The following RYR2 variants were observed in gnomAD, a reference collection of about 807,000 sequenced individuals.
The protein encoded by RYR2 is cardiac muscle ryanodine receptor-calcium release channel.
Under a neutral mutation model 601.1 loss-of-function variants are expected in RYR2, and 227 were observed. That is an observed-to-expected ratio of 0.38 (90% CI 0.34 to 0.42). The LOEUF is 0.42. Ranked by LOEUF, RYR2 falls within the 10% of genes least tolerant of loss-of-function variation. The probability of loss-of-function intolerance (pLI) is 1.00; values close to 1 mark genes in which losing one functional copy is unlikely to be tolerated. For missense variants in RYR2, 4,646 were observed against 6,156.5 expected (o/e 0.75, Z 8.21); for synonymous variants, 2,223 against 2,175.1 (o/e 1.02, Z -0.61).
chr1:237,721,810 G>T (rs139514230), intron 73 of RYR2, among the ~76,000 whole-genome samples: 1 of 152,098 alleles, frequency 6.6e-6, no homozygotes, highest in Non-Finnish European at 1.5e-5. Flanking sequence ...GTGAGCCACC[G>T]TGCCCGGCTG....
At chr1:237,272,209 T>C (rs1451410614) in intron 2 of RYR2, among the ~76,000 whole-genome samples, 2 of 152,156 alleles carry the variant, frequency 1.3e-5, no homozygotes, top group African/African-American at 4.8e-5. Flanking sequence ...TGGAGTAACC[T>C]TGGCCCTATG....
At chr1:237,043,976 G>A (rs1660243769) in intron 1 of RYR2, among the ~76,000 whole-genome samples, 1 of 152,148 alleles carries the variant, frequency 6.6e-6, no homozygotes, top group Admixed American at 6.5e-5. Flanking sequence ...GAAAGCTTTG[G>A]GAAGGATAAA....
chr1:237,724,213 ATATAT>A lies in RYR2; in HGVS notation c.10689+952_10689+956del, dbSNP rs1250469253. 5.8e-5 allele frequency among the ~76,000 whole-genome samples: 7 copies of A among 120,488 alleles called. No individual in the cohort carries two copies. The South Asian group carries it at 1.6e-3, about 28-fold the overall frequency. The allele number at this position is 120,488 out of a possible 152,430, so 79.0% of individuals were successfully genotyped here. On this transcript the variant is annotated intron_variant, in intron 74 of 104. Transcript: ENST00000366574. The stretch of plus-strand genomic sequence containing the variant: ...TATATATATATATATATATATATAT[ATATAT>A]GTATGTGTGATAAATTTCATAGATG...
rs564822776 is a variant in RYR2, at chr1:237,445,479, C to A, written c.1249C>A (p.Arg417=). ...CCAGCATGAAGAATCACGCACAGCCCGAGTTATCCGGAGCACAGTCTTCCT... is the reference window on the plus strand; with the variant it reads ...CCAGCATGAAGAATCACGCACAGCCAGAGTTATCCGGAGCACAGTCTTCCT... ...RSQHEESRTA[R]VIRSTVFLFN... The change falls in exon 14 of 105, where the codon CGA becomes AGA. Residue 417 remains arginine (R), a synonymous_variant. Coordinates refer to ENST00000366574, the MANE Select transcript of RYR2 (RefSeq NM_001035.3). 1 of 1,613,688 alleles carries A rather than the reference C, an allele frequency of 6.2e-7. No individual in the cohort carries two copies. Among genetic ancestry groups the A allele is most frequent in the Non-Finnish European group, 8.5e-7 (1 of 1,179,702 alleles).
chr1:237,385,149 A>G (rs879451349), intron 8 of RYR2, among the ~76,000 whole-genome samples: 2 of 152,072 alleles, frequency 1.3e-5, no homozygotes, highest in Non-Finnish European at 1.5e-5. Flanking sequence ...TCAGTCTCCC[A>G]TAGTGCTGTG....
chr1:237,641,969 A>G (rs940289318), intron 47 of RYR2, among the ~76,000 whole-genome samples: 12 of 145,450 alleles, frequency 8.3e-5, no homozygotes, highest in African/African-American at 3.1e-4. Flanking sequence ...GTGTTATTCT[A>G]TTATATTCAT....
intron 71 of RYR2, 145 bp downstream of exon 71, chr1:237,711,982 T>C: frequency 1.7e-6 from 1 of 599,180 alleles, no homozygotes; most frequent in Non-Finnish European, 3.0e-6. Flanking sequence ...ATATGCAAGC[T>C]GTTTTAAGGT....
chr1:237,169,989 AGGTGCTGGGGATTCAAT>A (rs1447091749), intron 1 of RYR2, among the ~76,000 whole-genome samples: 1 of 152,116 alleles, frequency 6.6e-6, no homozygotes, highest in Non-Finnish European at 1.5e-5. Flanking sequence ...TTGTTATTAT[AGGTGCTGGGGATTCAAT>A]GGTGAACAAA....
intron 10 of RYR2, among the ~76,000 whole-genome samples, chr1:237,415,161 T>C (rs1704843407): frequency 6.6e-6 from 1 of 152,298 alleles, no homozygotes; most frequent in African/African-American, 2.4e-5. Context: ...ACTTAGACTG[T>C]ACTTTCCAAG....
intron 63 of RYR2, among the ~76,000 whole-genome samples, chr1:237,688,563 G>A (rs916390601): frequency 6.6e-6 from 1 of 151,984 alleles, no homozygotes; most frequent in Non-Finnish European, 1.5e-5. Context: ...ATTTAGTAAT[G>A]AAAATTTATA....
At chr1:237,108,545 GC>G (rs1429746065) in intron 1 of RYR2, among the ~76,000 whole-genome samples, 9 of 152,206 alleles carry the variant, frequency 5.9e-5, no homozygotes, top group Admixed American at 5.9e-4. Context: ...AGAGAACAGG[GC>G]TGAGCTGCGC....
At chr1:237,666,669 T>G (rs1684355325) in intron 57 of RYR2, 80 bp downstream of exon 57, 1 of 1,118,044 alleles carries the variant, frequency 8.9e-7, no homozygotes, top group Non-Finnish European at 1.3e-6. Context: ...TGCATATATT[T>G]GGCAGCATGG....
At chr1:237,772,598 G>A (rs1350396285) in intron 86 of RYR2, among the ~76,000 whole-genome samples, 25 of 152,118 alleles carry the variant, frequency 1.6e-4, no homozygotes, top group Admixed American at 7.2e-4. Flanking sequence ...ATTTGAGAAC[G>A]TTAATCAAAC....
At chr1:237,401,933 C>A (rs1703383189) in intron 10 of RYR2, among the ~76,000 whole-genome samples, 1 of 152,096 alleles carries the variant, frequency 6.6e-6, no homozygotes, top group Non-Finnish European at 1.5e-5. Context: ...TGGAAAATTC[C>A]AAGGGTGTAC....
At position 237,760,979 on chromosome 1, in the gene RYR2, G is replaced by A. The variant is rs553350678; in HGVS notation, c.11427G>A (p.Glu3809=). Residue 3809 remains glutamate, a synonymous_variant, in exon 84 of 105, where the codon GAG becomes GAA. Transcript: ENST00000366574. ...GTGTCCTTGACCTAAATGCATTTGAGCGACAAAACAAAGCTGAAGGTCTTG... is the reference window on the plus strand; with the variant it reads ...GTGTCCTTGACCTAAATGCATTTGAACGACAAAACAAAGCTGAAGGTCTTG... ...SCSVLDLNAF[E]RQNKAEGLGM... The A allele has an allele frequency of 5.1e-6, 8 of 1,577,062 alleles. No homozygotes were observed. Among genetic ancestry groups the A allele is most frequent in the Middle Eastern group, 1.7e-4 (1 of 6,022 alleles).
chr1:237,567,697 T>C (rs917986269), intron 28 of RYR2, among the ~76,000 whole-genome samples: 1 of 151,716 alleles, frequency 6.6e-6, no homozygotes, highest in African/African-American at 2.4e-5. Context: ...TTTTAAAGTC[T>C]TCTTTTTTTT....
intron 76 of RYR2, among the ~76,000 whole-genome samples, chr1:237,728,098 A>G (rs1011872410): frequency 3.3e-5 from 5 of 152,134 alleles, no homozygotes; most frequent in African/African-American, 1.2e-4. Context: ...GAGATCCTGT[A>G]CTAGTTTTGT....
intron 12 of RYR2, among the ~76,000 whole-genome samples, chr1:237,427,399 G>A (rs576236535): frequency 1.2e-4 from 19 of 152,074 alleles, no homozygotes; most frequent in African/African-American, 4.1e-4. Flanking sequence ...TTTCATATTT[G>A]GGCATGCAGC....
intron 80 of RYR2, among the ~76,000 whole-genome samples, chr1:237,748,478 G>T (rs1048307546): frequency 3.3e-5 from 5 of 152,168 alleles, no homozygotes; most frequent in African/African-American, 1.2e-4. Flanking sequence ...AGGCACCACA[G>T]TCTCTCCTTA....
Sources: gnomAD v4.1 joint callset for allele counts (sites outside exome capture counted in the v4.1 genomes callset) on GRCh38, gnomAD v4.1.1 for gene constraint, MANE v1.5 for transcripts, NCBI Gene and HGNC (gene_info 2026-07-23, HGNC 2026-07-21) for gene names.